The following SNX19 variants were observed in gnomAD, a reference collection of about 807,000 sequenced individuals.
SNX19 encodes sorting nexin 19.
Under a neutral mutation model 85.2 loss-of-function variants are expected in SNX19, and 60 were observed. That is an observed-to-expected ratio of 0.70 (90% confidence interval 0.57 to 0.87). The LOEUF (loss-of-function observed/expected upper bound fraction) is 0.87. Among genes scored for constraint, SNX19 ranks in the 40% least tolerant of loss-of-function variants. SNX19 has a pLI of 0.00. For missense variants in SNX19, 1,201 were observed against 1,217.8 expected, an observed-to-expected ratio of 0.99 and a Z score of 0.21; for synonymous variants, 520 against 470.0, an observed-to-expected ratio of 1.11 and a Z score of -1.38.
In SNX19 at chr11:130,903,275, G is replaced by T; in HGVS notation, c.2553C>A (p.Ile851=). Residue 851 remains isoleucine (I), a synonymous_variant, in exon 8 of 11, where the codon ATC becomes ATA. Transcript: ENST00000265909. ...TENMQKFLRL[I]FGTLVQRWLE... The stretch of plus-strand genomic sequence containing the variant: ...CTTACCTTTGAACTAGGGTCCCAAA[G>T]ATAAGACGAAGAAACTTTTGCATGT... The T allele has an allele frequency of 6.2e-7, 1 of 1,613,860 alleles. No homozygotes were observed. The highest frequency in any genetic ancestry group is 8.5e-7 in the Non-Finnish European group (1 of 1,179,794).
Position 130,907,986 on chromosome 11 carries a change from C to G in SNX19, c.2132G>C (p.Ser711Thr). The G allele has an allele frequency of 6.2e-7, 1 of 1,614,164 alleles. No individual in the cohort carries two copies. The highest frequency in any genetic ancestry group is 1.7e-5 in the Admixed American group (1 of 60,030). Residue 711 changes from serine to threonine, a missense_variant, in exon 5 of 11, where the codon AGC becomes ACC. Around this residue, in one of 3 missense-constraint regions of SNX19, gnomAD observed 125 missense variants for 171.6 expected, o/e 0.73. Coordinates refer to ENST00000265909, the MANE Select transcript of SNX19 (RefSeq NM_014758.3). ...TEELSEAETE[S>T]KPQTEGKKAS... ...CTTCTTGCCTTCTGTCTGGGGCTTGCTTTCGGTCTCGGCCTCACTCAGCTC... is the reference window on the plus strand; with the variant it reads ...CTTCTTGCCTTCTGTCTGGGGCTTGGTTTCGGTCTCGGCCTCACTCAGCTC...
intron 7 of SNX19, 183 bp downstream of exon 7, chr11:130,905,770 T>A: frequency 6.5e-7 from 1 of 1,537,798 alleles, no homozygotes; most frequent in East Asian, 2.4e-5. Flanking sequence ...TTGATTCCGC[T>A]GTGGCAACTA....
chr11:130,913,014 C>G (rs909525580), intron 1 of SNX19, among the ~76,000 whole-genome samples: 3 of 152,116 alleles, frequency 2.0e-5, no homozygotes, highest in Admixed American at 6.6e-5. Flanking sequence ...TTTTACTTTA[C>G]TCTTTTCTAA....
rs867804254 is a variant in SNX19, at chr11:130,870,508, G to A, written c.*7914C>T. Among the ~76,000 whole-genome samples, 1 of 152,192 alleles carries A rather than the reference G, an allele frequency of 6.6e-6. No individual in the cohort carries two copies. Among genetic ancestry groups the A allele is most frequent in the East Asian group, 1.9e-4 (1 of 5,186 alleles). On this transcript the variant is annotated 3_prime_UTR_variant, in exon 11 of 11. Coordinates refer to ENST00000265909, the MANE Select transcript of SNX19 (RefSeq NM_014758.3). ...AAACTTTTTGGGTTCCCACCCACAC[G>A]CAAGATGTACAAAGCTGTCTGGGGC...
chr11:130,904,688 T>C (rs1021652457), intron 7 of SNX19, among the ~76,000 whole-genome samples: 5 of 124,874 alleles, frequency 4.0e-5, no homozygotes, highest in African/African-American at 1.5e-4. Context: ...TTAAAGAAAA[T>C]GGTAGATTTT....
Position 130,915,224 on chromosome 11 carries a change from A to C in SNX19, c.716T>G (p.Val239Gly), listed in dbSNP as rs763412105. ...GATTACATTGCATGTGATGAGTTCGACCACTACATGGCGTCCGGTACGAGT... is the reference window on the plus strand; with the variant it reads ...GATTACATTGCATGTGATGAGTTCGCCCACTACATGGCGTCCGGTACGAGT... ...LETRTGRHVV[V>G]ELITCNVILP... Residue 239 changes from valine (V) to glycine (G), a missense_variant, in exon 1 of 11, where the codon GTC becomes GGC. By Grantham distance (109) the Val-to-Gly change is moderately radical. This residue lies in a region of SNX19 where 791 missense variants were observed against 750.9 expected (regional missense o/e 1.05). Coordinates refer to ENST00000265909, the MANE Select transcript of SNX19 (RefSeq NM_014758.3). 1.2e-6 allele frequency: 2 copies of C among 1,614,184 alleles called. No individual in the cohort carries two copies. Among genetic ancestry groups the C allele is most frequent in the Admixed American group, 1.7e-5 (1 of 60,020 alleles).
chr11:130,900,522 C>T (rs1007450755), intron 8 of SNX19, among the ~76,000 whole-genome samples: 2 of 152,164 alleles, frequency 1.3e-5, no homozygotes, highest in Admixed American at 1.3e-4. Context: ...TCTCTAACTC[C>T]CAGAATATAG....
chr11:130,912,124 C>A (rs1946174282), intron 1 of SNX19, among the ~76,000 whole-genome samples: 1 of 152,148 alleles, frequency 6.6e-6, no homozygotes, highest in Non-Finnish European at 1.5e-5. Flanking sequence ...CAGGGCTAAA[C>A]ATCATAAGGG....
chr11:130,901,930 G>A (rs1043038157), intron 8 of SNX19: 1 of 152,176 alleles, frequency 6.6e-6, no homozygotes, highest in African/African-American at 2.4e-5. Flanking sequence ...GTTCAGATTT[G>A]TTTTTCAGAA....
Position 130,915,609 on chromosome 11 carries a change from G to T in SNX19, c.331C>A (p.Arg111=), listed in dbSNP as rs1223286912. ...EINRTIQMII[R]DFVLSWYRSV... is the part of the protein sequence containing the mutation. ...CGGTACCAAGATAACACAAAATCTCGAATAATCATCTGGATGGTGCGGTTG... is the reference window on the plus strand; with the variant it reads ...CGGTACCAAGATAACACAAAATCTCTAATAATCATCTGGATGGTGCGGTTG... Residue 111 remains arginine (R), a synonymous_variant, in exon 1 of 11, where the codon CGA becomes AGA. Transcript: ENST00000265909. 3.7e-6 allele frequency: 6 copies of T among 1,614,218 alleles called. No individual in the cohort carries two copies. The South Asian group carries it at 6.6e-5, about 18-fold the overall frequency.
Position 130,873,425 on chromosome 11 carries a change from T to C in SNX19, c.*4997A>G, listed in dbSNP as rs1943102213. Among the ~76,000 whole-genome samples the C allele has an allele frequency of 6.6e-6, 1 of 152,152 alleles. No homozygotes were observed. Among genetic ancestry groups the C allele is most frequent in the Non-Finnish European group, 1.5e-5 (1 of 68,034 alleles). ...ACTCCTTAAAAGTGAGAACCTGATC[T>C]TGTTCTGCTTTGTAAGGTAGAAGGG... On this transcript the variant is annotated 3_prime_UTR_variant, in exon 11 of 11. Coordinates refer to ENST00000265909, the MANE Select transcript of SNX19 (RefSeq NM_014758.3).
intron 1 of SNX19, among the ~76,000 whole-genome samples, chr11:130,913,648 C>A (rs73028898): frequency 0.16 from 24,142 of 152,174 alleles, 2,190 homozygotes; most frequent in Middle Eastern, 0.25. Context: ...TTTTCTTTCT[C>A]AACTTCTTCC....
At position 130,866,899 on chromosome 11, in the gene SNX19, A is replaced by G. The variant is rs1942786578; in HGVS notation, c.*11523T>C. The G allele has an allele frequency of 6.6e-6, 1 of 152,218 alleles. No individual in the cohort carries two copies. Among genetic ancestry groups the G allele is most frequent in the Non-Finnish European group, 1.5e-5 (1 of 68,044 alleles). 9.4% of individuals were successfully genotyped at this position (152,218 alleles called of 1,614,324 possible). A position where few individuals can be genotyped will look rare whatever the true frequency, so the allele number is the denominator to read the frequency against. On this transcript the variant is annotated 3_prime_UTR_variant, in exon 11 of 11. Transcript: ENST00000265909. ...TGACATTTATTATGCACTGTGTGCT[A>G]GAGGTTGTTCTTAAACGTATGAGCT...
intron 8 of SNX19, among the ~76,000 whole-genome samples, chr11:130,895,399 G>A (rs981538370): frequency 7.2e-5 from 11 of 152,176 alleles, no homozygotes; most frequent in African/African-American, 1.7e-4. Context: ...GTAGAATGAC[G>A]TGTGATCTTC....
chr11:130,889,472 G>T (rs1033816655), intron 8 of SNX19, among the ~76,000 whole-genome samples: 5 of 151,984 alleles, frequency 3.3e-5, no homozygotes, highest in African/African-American at 1.2e-4. Context: ...GCATTTAATA[G>T]TGTCATTCAC....
chr11:130,916,260 T>C lies in SNX19; in HGVS notation c.-321A>G. On this transcript the variant is annotated 5_prime_UTR_variant, in exon 1 of 11. Coordinates refer to ENST00000265909, the MANE Select transcript of SNX19 (RefSeq NM_014758.3). Reference sequence around the variant, plus strand: ...CCTCGGGGCGGGCGCTGCAAGGCCCTGGGGCCCACGGACACTTACACACGC... The same window carrying C: ...CCTCGGGGCGGGCGCTGCAAGGCCCCGGGGCCCACGGACACTTACACACGC... 1 of 334,690 alleles carries C rather than the reference T, an allele frequency of 3.0e-6. No homozygotes were observed. The highest frequency in any genetic ancestry group is 5.6e-6 in the Non-Finnish European group (1 of 179,048). 20.7% of individuals were successfully genotyped at this position (334,690 alleles called of 1,614,324 possible). A position where few individuals can be genotyped will look rare whatever the true frequency, so the allele number is the denominator to read the frequency against.
chr11:130,911,921 C>T (rs1222299987), intron 1 of SNX19, 150 bp from the exon 2 acceptor site: 7 of 710,494 alleles, frequency 9.9e-6, no homozygotes, highest in Admixed American at 3.1e-5. Context: ...GTTCCAGAAC[C>T]TCCTATATCT....
At chr11:130,881,295 C>T (rs1028865568) in intron 8 of SNX19, among the ~76,000 whole-genome samples, 2 of 152,182 alleles carry the variant, frequency 1.3e-5, no homozygotes, top group Non-Finnish European at 2.9e-5. Context: ...AATTCAACAG[C>T]CTGGGATAAC....
rs200326824 is a variant in SNX19, at chr11:130,879,741, G to A, written c.2759-30C>T. 6.2e-5 allele frequency: 99 copies of A among 1,592,652 alleles called. 1 individual carries two copies. In the East Asian group the frequency reaches 1.1e-3, roughly 17 times the overall value. On this transcript the variant is annotated intron_variant, in intron 9 of 10. Coordinates refer to ENST00000265909, the MANE Select transcript of SNX19 (RefSeq NM_014758.3). ...GGAGGAAAAAACAGATGGAATTTGCGTGTTATCACTGAAGTTTTAGATTCT... is the reference window on the plus strand; with the variant it reads ...GGAGGAAAAAACAGATGGAATTTGCATGTTATCACTGAAGTTTTAGATTCT...
Sources: allele counts gnomAD v4.1 joint callset (sites outside exome capture counted in the v4.1 genomes callset), GRCh38; gene constraint gnomAD v4.1.1; regional missense constraint gnomAD v4.1.1; transcripts MANE v1.5; gene names NCBI Gene and HGNC (gene_info 2026-07-23, HGNC 2026-07-21).